ZWILCH: variants seen among roughly 807,000 people sequenced by gnomAD.
The protein encoded by ZWILCH is zwilch kinetochore protein.
Under a neutral mutation model 79.9 loss-of-function variants are expected in ZWILCH, and 74 were observed. The observed-to-expected ratio is 0.93, with a 90% CI of 0.77 to 1.12. The LOEUF is 1.12. Ranked by LOEUF, ZWILCH falls within the 50% of genes most tolerant of loss-of-function variation. The pLI is 0.00. For missense variants in ZWILCH, 694 were observed against 687.5 expected (o/e 1.01, Z -0.11); for synonymous variants, 241 against 228.2 (o/e 1.06, Z -0.51).
At chr15:66,520,928 T>C (rs1388452916) in intron 6 of ZWILCH, 122 bp from the exon 7 acceptor site, 10 of 1,086,052 alleles carry the variant, frequency 9.2e-6, no homozygotes, top group Non-Finnish European at 1.1e-5. Flanking sequence ...AAAGTATATA[T>C]CCCAAAAGTA....
At chr15:66,532,645 G>A (rs1049101039) in intron 13 of ZWILCH, among the ~76,000 whole-genome samples, 4 of 151,478 alleles carry the variant, frequency 2.6e-5, no homozygotes, top group South Asian at 2.1e-4. Flanking sequence ...AAACATTTGC[G>A]GTTCTATAAA....
intron 16 of ZWILCH, among the ~76,000 whole-genome samples, chr15:66,538,174 C>T (rs1895072515): frequency 6.6e-6 from 1 of 152,182 alleles, no homozygotes; most frequent in Admixed American, 6.5e-5. Flanking sequence ...CTTGAAATTT[C>T]TCTCATACTA....
At chr15:66,506,112 G>A (rs1290514934) in intron 1 of ZWILCH, among the ~76,000 whole-genome samples, 1 of 152,200 alleles carries the variant, frequency 6.6e-6, no homozygotes, top group Non-Finnish European at 1.5e-5. Flanking sequence ...TAACGGATAC[G>A]GCTGGTTGGG....
chr15:66,507,597 C>G (rs1893874466), intron 1 of ZWILCH, among the ~76,000 whole-genome samples: 1 of 152,172 alleles, frequency 6.6e-6, no homozygotes, highest in Non-Finnish European at 1.5e-5. Context: ...GAGCACTTAC[C>G]ACCATGGAAC....
intron 1 of ZWILCH, 90 bp downstream of exon 1, chr15:66,505,481 CTG>C: frequency 1.3e-6 from 2 of 1,504,054 alleles, no homozygotes; most frequent in South Asian, 1.1e-5. Flanking sequence ...TCTTGCCACT[CTG>C]GGGATCAGCG....
chr15:66,510,882 A>G (rs968526292), intron 2 of ZWILCH, among the ~76,000 whole-genome samples: 4 of 152,156 alleles, frequency 2.6e-5, no homozygotes, highest in Admixed American at 2.6e-4. Context: ...CCTTTTAAGT[A>G]TACCAGTCAT....
At chr15:66,517,208 AGATT>A in intron 4 of ZWILCH, among the ~76,000 whole-genome samples, 1 of 151,788 alleles carries the variant, frequency 6.6e-6, no homozygotes. Context: ...CCAATTGCTT[AGATT>A]TTACAGCATT....
At chr15:66,516,993 G>T (rs1894286706) in intron 4 of ZWILCH, among the ~76,000 whole-genome samples, 1 of 151,818 alleles carries the variant, frequency 6.6e-6, no homozygotes, top group Non-Finnish European at 1.5e-5. Context: ...TCCTTCTGGG[G>T]TTATTTTACC....
At chr15:66,519,686 G>A (rs1403393555) in intron 5 of ZWILCH, among the ~76,000 whole-genome samples, 4 of 152,082 alleles carry the variant, frequency 2.6e-5, no homozygotes, top group Admixed American at 6.5e-5. Context: ...TAGTAGAGAC[G>A]GGGGTTCACC....
rs746817966 is a variant in ZWILCH, at chr15:66,515,636, G to A, written c.312G>A (p.Gly104=). The A allele has an allele frequency of 2.4e-5, 38 of 1,610,372 alleles. No homozygotes were observed. Among genetic ancestry groups the A allele is most frequent in the Non-Finnish European group, 3.2e-5 (38 of 1,177,052 alleles). Reference sequence around the variant, plus strand: ...TTGGACCACTTGCTTTACCAGTTGGGAAGGCAAGGTAGGTTTTCTCTTATG... The same window carrying A: ...TTGGACCACTTGCTTTACCAGTTGGAAAGGCAAGGTAGGTTTTCTCTTATG... ...ENVGPLALPV[G]KARQLIGLYT... is the part of the protein sequence containing the mutation. Residue 104 remains glycine, a synonymous_variant, in exon 4 of 19, where the codon GGG becomes GGA. Coordinates refer to ENST00000307897, the MANE Select transcript of ZWILCH (RefSeq NM_017975.5).
chr15:66,527,811 G>T, intron 9 of ZWILCH, 46 bp from the exon 10 acceptor site: 1 of 1,521,410 alleles, frequency 6.6e-7, no homozygotes, highest in South Asian at 1.2e-5. Context: ...GAAATAATTT[G>T]GAAAGCAGAA....
chr15:66,506,445 G>T (rs1893822736), intron 1 of ZWILCH, among the ~76,000 whole-genome samples: 1 of 152,170 alleles, frequency 6.6e-6, no homozygotes, highest in Admixed American at 6.5e-5. Context: ...GAGGCGGGCG[G>T]ATCACTTGAG....
At chr15:66,529,013 G>T in intron 11 of ZWILCH, 56 bp downstream of exon 11, 3 of 1,437,228 alleles carry the variant, frequency 2.1e-6, no homozygotes, top group Non-Finnish European at 1.9e-6. Flanking sequence ...TTATTTTTAA[G>T]TCTTTTGGAA....
At chr15:66,517,905 G>A (rs1894347517) in intron 4 of ZWILCH, among the ~76,000 whole-genome samples, 1 of 151,320 alleles carries the variant, frequency 6.6e-6, no homozygotes, top group Non-Finnish European at 1.5e-5. Context: ...GCTAATTTTT[G>A]TATTTTTAGT....
At chr15:66,526,145 C>A (rs1263902289) in intron 8 of ZWILCH, among the ~76,000 whole-genome samples, 2 of 152,108 alleles carry the variant, frequency 1.3e-5, no homozygotes, top group African/African-American at 4.8e-5. Flanking sequence ...TTTTCTCTTT[C>A]CTAGGAATCC....
chr15:66,546,782 T>C (rs1895386064), intron 18 of ZWILCH, 77 bp downstream of exon 18: 4 of 675,378 alleles, frequency 5.9e-6, no homozygotes, highest in Non-Finnish European at 9.2e-6. Flanking sequence ...TTCTACATTA[T>C]CAATGTCGAT....
chr15:66,532,897 A>T (rs965241909), intron 13 of ZWILCH, 88 bp from the exon 14 acceptor site: 28 of 908,088 alleles, frequency 3.1e-5, no homozygotes, highest in Non-Finnish European at 4.0e-5. Context: ...GAATTTAAGA[A>T]TTTAAATAGA....
chr15:66,517,667 G>A (rs915964294), intron 4 of ZWILCH, among the ~76,000 whole-genome samples: 1 of 143,900 alleles, frequency 6.9e-6, no homozygotes, highest in Non-Finnish European at 1.5e-5. Context: ...TTTGTTAACT[G>A]TCTCACTAAT....
chr15:66,543,472 C>T (rs1301416765), intron 17 of ZWILCH, among the ~76,000 whole-genome samples: 1 of 152,158 alleles, frequency 6.6e-6, no homozygotes, highest in Non-Finnish European at 1.5e-5. Flanking sequence ...ATTGCCTAAG[C>T]TAGGTGCATT....
Sources: gnomAD v4.1 joint callset for allele counts (sites outside exome capture counted in the v4.1 genomes callset) on GRCh38, gnomAD v4.1.1 for gene constraint, MANE v1.5 for transcripts, NCBI Gene and HGNC (gene_info 2026-07-23, HGNC 2026-07-21) for gene names.